The following CNTNAP2 variants were observed in gnomAD, a reference collection of about 807,000 sequenced individuals.
The protein encoded by CNTNAP2 is contactin associated protein 2.
In CNTNAP2, 98 loss-of-function variants were observed where a neutral mutation model predicts 155.2. The ratio of observed to expected loss-of-function variants is 0.63; its 90% CI spans 0.54 to 0.75. The LOEUF is 0.75. Among genes scored for constraint, CNTNAP2 ranks in the 30% least tolerant of loss-of-function variants. The probability of loss-of-function intolerance (pLI) is 0.00; values close to 1 mark genes in which losing one functional copy is unlikely to be tolerated. For missense variants in CNTNAP2, 1,727 were observed against 1,688.1 expected (o/e 1.02, Z -0.40); for synonymous variants, 651 against 631.2 (o/e 1.03, Z -0.47).
At chr7:147,117,525 G>C (rs1209416285) in intron 5 of CNTNAP2, among the ~76,000 whole-genome samples, 2 of 152,088 alleles carry the variant, frequency 1.3e-5, no homozygotes, top group African/African-American at 2.4e-5. Flanking sequence ...TGAAAAGGCT[G>C]TATTTACTGA....
intron 13 of CNTNAP2, among the ~76,000 whole-genome samples, chr7:147,701,448 T>G (rs1796235039): frequency 6.6e-6 from 1 of 152,206 alleles, no homozygotes; most frequent in Non-Finnish European, 1.5e-5. Flanking sequence ...ATAAGTCAAC[T>G]GCTAAGAGAT....
intron 1 of CNTNAP2, among the ~76,000 whole-genome samples, chr7:146,334,326 G>T (rs914767878): frequency 1.3e-5 from 2 of 151,930 alleles, no homozygotes; most frequent in African/African-American, 4.8e-5. Flanking sequence ...AGCTACTCGG[G>T]AGGCTGAGGC....
intron 20 of CNTNAP2, among the ~76,000 whole-genome samples, chr7:148,261,657 G>A (rs889325170): frequency 6.6e-6 from 1 of 152,306 alleles, no homozygotes; most frequent in East Asian, 1.9e-4. Flanking sequence ...CTGCCCTCTG[G>A]AGTGCAGGTG....
At chr7:147,741,664 T>C (rs935661277) in intron 13 of CNTNAP2, among the ~76,000 whole-genome samples, 2 of 152,198 alleles carry the variant, frequency 1.3e-5, no homozygotes, top group African/African-American at 4.8e-5. Context: ...ATTCCTGAGA[T>C]AGCCAGATGT....
At chr7:148,169,823 G>T (rs1220370125) in intron 17 of CNTNAP2, among the ~76,000 whole-genome samples, 8 of 144,878 alleles carry the variant, frequency 5.5e-5, no homozygotes, top group Non-Finnish European at 1.2e-4. Context: ...AGCTGGGTGT[G>T]GTGGCGTGTG....
intron 11 of CNTNAP2, among the ~76,000 whole-genome samples, chr7:147,492,229 C>T (rs1335846224): frequency 6.6e-6 from 1 of 152,182 alleles, no homozygotes; most frequent in African/African-American, 2.4e-5. Flanking sequence ...CGATCCCTCA[C>T]ATGCACAGTT....
At chr7:148,210,202 G>A (rs182341203) in intron 18 of CNTNAP2, among the ~76,000 whole-genome samples, 6 of 152,322 alleles carry the variant, frequency 3.9e-5, no homozygotes, top group African/African-American at 1.4e-4. Flanking sequence ...GTCAAAAAGC[G>A]AGTTGGTGGC....
intron 13 of CNTNAP2, among the ~76,000 whole-genome samples, chr7:147,734,935 C>T (rs1460650298): frequency 6.6e-6 from 1 of 150,892 alleles, no homozygotes; most frequent in African/African-American, 2.4e-5. Context: ...TGCTAGCGGT[C>T]TATCAATATT....
intron 1 of CNTNAP2, among the ~76,000 whole-genome samples, chr7:146,197,419 A>G (rs1218925043): frequency 1.3e-5 from 2 of 152,164 alleles, no homozygotes; most frequent in African/African-American, 4.8e-5. Context: ...ATAATTTCTG[A>G]CTTTTTGGTT....
intron 3 of CNTNAP2, among the ~76,000 whole-genome samples, chr7:146,945,153 T>C (rs965431983): frequency 5.9e-5 from 9 of 152,210 alleles, no homozygotes; most frequent in Non-Finnish European, 2.9e-5. Flanking sequence ...GCATCAGAAC[T>C]GCATGTGTAA....
intron 14 of CNTNAP2, among the ~76,000 whole-genome samples, chr7:147,945,868 CTT>C (rs34305612): frequency 2.4e-5 from 3 of 123,350 alleles, no homozygotes; most frequent in Non-Finnish European, 5.0e-5. Flanking sequence ...TTTTCTTTTT[CTT>C]TTTTTTTTTT....
At chr7:148,412,888 T>C (rs987539933) in intron 23 of CNTNAP2, among the ~76,000 whole-genome samples, 2 of 152,234 alleles carry the variant, frequency 1.3e-5, no homozygotes, top group African/African-American at 4.8e-5. Context: ...CTGAAAGCTG[T>C]TTGATGAATG....
At chr7:148,042,190 C>T (rs144285528) in intron 15 of CNTNAP2, among the ~76,000 whole-genome samples, 2 of 152,324 alleles carry the variant, frequency 1.3e-5, no homozygotes, top group African/African-American at 2.4e-5. Flanking sequence ...AGCAGAGTCA[C>T]GTTCAGTGAC....
intron 1 of CNTNAP2, among the ~76,000 whole-genome samples, chr7:146,140,173 T>C (rs1797856742): frequency 6.6e-6 from 1 of 152,210 alleles, no homozygotes; most frequent in East Asian, 1.9e-4. Flanking sequence ...TTTCCAAAAA[T>C]TCCATTCAAC....
At chr7:147,502,296 C>T (rs1209767532) in intron 11 of CNTNAP2, among the ~76,000 whole-genome samples, 1 of 152,138 alleles carries the variant, frequency 6.6e-6, no homozygotes, top group Non-Finnish European at 1.5e-5. Context: ...GGAGGAATCA[C>T]ATACTAAGTG....
chr7:147,635,745 T>C (rs1795169935), intron 12 of CNTNAP2, among the ~76,000 whole-genome samples: 1 of 152,178 alleles, frequency 6.6e-6, no homozygotes, highest in Admixed American at 6.5e-5. Context: ...TTTGGTTTTA[T>C]TTGCTTAAAT....
intron 1 of CNTNAP2, among the ~76,000 whole-genome samples, chr7:146,240,821 T>A (rs1799548365): frequency 6.6e-6 from 1 of 152,128 alleles, no homozygotes; most frequent in African/African-American, 2.4e-5. Context: ...CCGTTCTTGC[T>A]TTGCTATAAA....
chr7:147,537,117 C>T lies in CNTNAP2; in HGVS notation c.1778-25021C>T, dbSNP rs76769130. 1.6e-4 allele frequency among the ~76,000 whole-genome samples: 24 copies of T among 152,282 alleles called. No individual in the cohort carries two copies. In the East Asian group the frequency reaches 2.3e-3, roughly 15 times the overall value. Reference sequence around the variant, plus strand: ...TACACTTTAGCACGTTACAGATTCCCAAATGTGGAAAGAACCATGCTGGTC... The same window carrying T: ...TACACTTTAGCACGTTACAGATTCCTAAATGTGGAAAGAACCATGCTGGTC... On this transcript the variant is annotated intron_variant, in intron 11 of 23. Transcript: ENST00000361727.
At chr7:147,538,816 T>A (rs979708139) in intron 11 of CNTNAP2, among the ~76,000 whole-genome samples, 3 of 152,174 alleles carry the variant, frequency 2.0e-5, no homozygotes, top group Non-Finnish European at 4.4e-5. Flanking sequence ...TTTCTCTACT[T>A]AGTTTCATCA....
Sources: gnomAD v4.1 joint callset for allele counts (sites outside exome capture counted in the v4.1 genomes callset) on GRCh38, gnomAD v4.1.1 for gene constraint, MANE v1.5 for transcripts, NCBI Gene and HGNC (gene_info 2026-07-23, HGNC 2026-07-21) for gene names.